PRKN: variants seen among roughly 807,000 people sequenced by gnomAD.
The protein encoded by PRKN is E3 ubiquitin-protein ligase parkin.
PRKN carries 56 observed loss-of-function variants against 59.5 expected under a neutral mutation model. The observed-to-expected ratio is 0.94, with a 90% CI of 0.76 to 1.18. The LOEUF is 1.18. PRKN is among the 50% of genes most tolerant of loss of function. The probability of loss-of-function intolerance (pLI) is 0.00; values close to 1 mark genes in which losing one functional copy is unlikely to be tolerated. For synonymous variants in PRKN, 250 were observed against 222.1 expected (o/e 1.13, Z -1.12); for missense variants, 657 against 596.4 (o/e 1.10, Z -1.06).
chr6:162,044,096 G>C (rs1298846158), intron 5 of PRKN, among the ~76,000 whole-genome samples: 1 of 152,184 alleles, frequency 6.6e-6, no homozygotes, highest in East Asian at 1.9e-4. Context: ...AGGGATTCAA[G>C]GAAGGCAGAA....
intron 4 of PRKN, among the ~76,000 whole-genome samples, chr6:162,136,141 T>C (rs1781555671): frequency 6.7e-6 from 1 of 150,248 alleles, no homozygotes; most frequent in South Asian, 2.1e-4. Context: ...TTTTTATAAA[T>C]TGTAGATAAT....
intron 7 of PRKN, among the ~76,000 whole-genome samples, chr6:161,782,257 G>A (rs1790236540): frequency 6.6e-6 from 1 of 152,114 alleles, no homozygotes; most frequent in African/African-American, 2.4e-5. Context: ...TATCGGACTA[G>A]GGAGTGATCT....
At chr6:161,431,559 T>C (rs1224020666) in intron 9 of PRKN, among the ~76,000 whole-genome samples, 2 of 152,160 alleles carry the variant, frequency 1.3e-5, no homozygotes, top group African/African-American at 2.4e-5. Flanking sequence ...AATTGTTTGC[T>C]AGCTGCTGAG....
chr6:162,474,319 C>G (rs184349598), intron 1 of PRKN, among the ~76,000 whole-genome samples: 1 of 152,156 alleles, frequency 6.6e-6, no homozygotes, highest in Non-Finnish European at 1.5e-5. Flanking sequence ...GAAGAGTAAT[C>G]TACATGTATT....
intron 7 of PRKN, among the ~76,000 whole-genome samples, chr6:161,706,202 C>T (rs1049814895): frequency 2.6e-5 from 4 of 152,186 alleles, no homozygotes; most frequent in East Asian, 3.9e-4. Context: ...ATGGCTTTCA[C>T]GGGATCCCTG....
At chr6:161,380,157 C>A (rs73605098) in intron 10 of PRKN, among the ~76,000 whole-genome samples, 1,919 of 152,234 alleles carry the variant, frequency 0.013, 42 homozygotes, top group African/African-American at 0.044. Flanking sequence ...ACTTTACACA[C>A]CCTGTCCCTT....
chr6:161,523,070 T>C (rs755683537), intron 9 of PRKN, among the ~76,000 whole-genome samples: 2 of 151,722 alleles, frequency 1.3e-5, no homozygotes, highest in Non-Finnish European at 2.9e-5. Context: ...TCTTGCTTTT[T>C]AAAAAAAAAC....
chr6:161,437,305 C>G (rs571451856), intron 9 of PRKN, among the ~76,000 whole-genome samples: 1 of 152,086 alleles, frequency 6.6e-6, no homozygotes, highest in African/African-American at 2.4e-5. Flanking sequence ...CTTCTGGGCG[C>G]GTGGTGTCTA....
At chr6:161,890,131 T>C (rs1330815074) in intron 6 of PRKN, among the ~76,000 whole-genome samples, 2 of 152,238 alleles carry the variant, frequency 1.3e-5, no homozygotes, top group East Asian at 1.9e-4. Flanking sequence ...AGATGATTTA[T>C]TCATTCAAAT....
intron 6 of PRKN, among the ~76,000 whole-genome samples, chr6:161,919,453 T>C (rs893096548): frequency 6.6e-6 from 1 of 152,206 alleles, no homozygotes; most frequent in Admixed American, 6.5e-5. Context: ...TAAATGTGTA[T>C]TAGAAATGAT....
At chr6:162,327,401 C>T (rs1037728532) in intron 2 of PRKN, among the ~76,000 whole-genome samples, 42 of 152,104 alleles carry the variant, frequency 2.8e-4, no homozygotes, top group African/African-American at 1.0e-3. Context: ...TTTCTTTGGA[C>T]TTCACAAAAT....
intron 1 of PRKN, among the ~76,000 whole-genome samples, chr6:162,506,681 T>A (rs1023545188): frequency 6.6e-6 from 1 of 152,076 alleles, no homozygotes; most frequent in African/African-American, 2.4e-5. Flanking sequence ...GATGAGGAAT[T>A]CTTGCTTCGG....
At chr6:161,949,258 T>C (rs1440814911) in intron 6 of PRKN, among the ~76,000 whole-genome samples, 2 of 152,206 alleles carry the variant, frequency 1.3e-5, no homozygotes, top group African/African-American at 4.8e-5. Flanking sequence ...ACGCCAGTAA[T>C]CCCAGCACTT....
Position 161,525,229 on chromosome 6 carries a change from T to C in PRKN, c.1083+23625A>G, listed in dbSNP as rs1186790815. Reference sequence around the variant, plus strand: ...ATATATAGTATAAAGCCATCCTTTATAAAACAGGACAACAAATCTTACACT... The same window carrying C: ...ATATATAGTATAAAGCCATCCTTTACAAAACAGGACAACAAATCTTACACT... On this transcript the variant is annotated intron_variant, in intron 9 of 11. Transcript: ENST00000366898. The surrounding 1 kb of genome is among the most constrained non-coding windows in gnomAD (Gnocchi z 4.7). 6.6e-6 allele frequency among the ~76,000 whole-genome samples: 1 copy of C among 152,092 alleles called. No homozygotes were observed. Among genetic ancestry groups the C allele is most frequent in the African/African-American group, 2.4e-5 (1 of 41,402 alleles).
At chr6:161,586,992 G>A (rs1302939990) in intron 7 of PRKN, among the ~76,000 whole-genome samples, 2 of 152,226 alleles carry the variant, frequency 1.3e-5, no homozygotes, top group East Asian at 1.9e-4. Flanking sequence ...GGGGTCAATG[G>A]GTTAATTTTC....
intron 6 of PRKN, among the ~76,000 whole-genome samples, chr6:161,895,929 C>T (rs528269653): frequency 6.6e-6 from 1 of 152,140 alleles, no homozygotes; most frequent in South Asian, 2.1e-4. Flanking sequence ...ACGAAGGGAG[C>T]TGGAAAGGAC....
chr6:161,887,394 T>C (rs1795193567), intron 6 of PRKN, among the ~76,000 whole-genome samples: 1 of 152,192 alleles, frequency 6.6e-6, no homozygotes, highest in Non-Finnish European at 1.5e-5. Context: ...CCTTCAACAA[T>C]GCAGTAGGCT....
intron 4 of PRKN, among the ~76,000 whole-genome samples, chr6:162,139,809 C>T (rs1166501404): frequency 6.6e-6 from 1 of 151,438 alleles, no homozygotes; most frequent in East Asian, 1.9e-4. Flanking sequence ...TGGCCCACTC[C>T]AACGAACAGA....
At chr6:162,657,073 G>A (rs1778671535) in intron 1 of PRKN, among the ~76,000 whole-genome samples, 1 of 152,156 alleles carries the variant, frequency 6.6e-6, no homozygotes, top group African/African-American at 2.4e-5. Flanking sequence ...AATATGTGGT[G>A]GGCTTGTTCA....
Sources: gnomAD v4.1 joint callset for allele counts (sites outside exome capture counted in the v4.1 genomes callset) on GRCh38, gnomAD v4.1.1 for gene constraint, Gnocchi (gnomAD v3.1) non-coding constraint, MANE v1.5 for transcripts, NCBI Gene and HGNC (gene_info 2026-07-23, HGNC 2026-07-21) for gene names.